EIF3B: variants seen among roughly 807,000 people sequenced by gnomAD.
The protein encoded by EIF3B is eukaryotic translation initiation factor 3 subunit 9.
EIF3B carries 10 observed loss-of-function variants against 104.6 expected under a neutral mutation model. The observed-to-expected ratio is 0.10, with a 90% CI of 0.06 to 0.16. EIF3B has a LOEUF of 0.16. Ranked by LOEUF, EIF3B falls within the 10% of genes least tolerant of loss-of-function variation. The pLI is 1.00. For synonymous variants in EIF3B, 542 were observed against 417.2 expected, an observed-to-expected ratio of 1.30 and a Z score of -3.65; for missense variants, 1,014 against 1,087.9, an observed-to-expected ratio of 0.93 and a Z score of 0.96.
At chr7:2,369,395 T>C in intron 9 of EIF3B, 77 bp from the exon 10 acceptor site, 1 of 1,455,260 alleles carries the variant, frequency 6.9e-7, no homozygotes, top group Non-Finnish European at 9.6e-7. Flanking sequence ...AGCAAATGAG[T>C]TGTTCTATTC....
intron 1 of EIF3B, among the ~76,000 whole-genome samples, chr7:2,358,809 G>A (rs554564979): frequency 1.1e-4 from 16 of 152,334 alleles, no homozygotes; most frequent in Admixed American, 3.9e-4. Flanking sequence ...GATTACAGGC[G>A]TGAGCCACTG....
chr7:2,379,588 G>A (rs141678639), intron 18 of EIF3B, 77 bp downstream of exon 18: 5 of 932,756 alleles, frequency 5.4e-6, no homozygotes, highest in African/African-American at 1.6e-5. Context: ...CACTGAGGAA[G>A]CACCTCCTTT....
chr7:2,372,525 C>T, intron 11 of EIF3B, 148 bp from the exon 12 acceptor site: 5 of 950,178 alleles, frequency 5.3e-6, no homozygotes, highest in East Asian at 5.1e-5. Flanking sequence ...TGCACCTTTC[C>T]TGCTGTTGCT....
intron 13 of EIF3B, 178 bp downstream of exon 13, chr7:2,374,784 C>T: frequency 1.8e-6 from 1 of 570,202 alleles, no homozygotes; most frequent in Non-Finnish European, 3.1e-6. Flanking sequence ...TACTCCAGGA[C>T]TCAGGCCAAG....
chr7:2,363,221 G>A (rs1779833841), intron 4 of EIF3B, 94 bp downstream of exon 4: 1 of 1,290,426 alleles, frequency 7.7e-7, no homozygotes, highest in South Asian at 1.2e-5. Context: ...GGGAGGCTGA[G>A]GTGGGAGGAT....
chr7:2,357,861 A>G (rs1038109995), intron 1 of EIF3B, among the ~76,000 whole-genome samples: 1 of 152,148 alleles, frequency 6.6e-6, no homozygotes, highest in Non-Finnish European at 1.5e-5. Flanking sequence ...CAATTTGTGT[A>G]AAAGTTGAGC....
At chr7:2,379,276 G>A (rs1460981873) in intron 17 of EIF3B, 34 bp downstream of exon 17, 1 of 1,589,692 alleles carries the variant, frequency 6.3e-7, no homozygotes, top group Non-Finnish European at 8.6e-7. Flanking sequence ...CCAGGAGCTG[G>A]CCCTTACGCT....
Position 2,360,829 on chromosome 7 carries a change from A to T in EIF3B, c.619A>T (p.Ile207Phe), listed in dbSNP as rs1361883951. Residue 207 changes from isoleucine to phenylalanine, a missense_variant, in exon 2 of 19, where the codon ATC becomes TTC. Physicochemically the swap from Ile to Phe is conservative, Grantham distance 21 (BLOSUM62 0). Coordinates refer to ENST00000360876, the MANE Select transcript of EIF3B (RefSeq NM_001037283.2). ...PDRLEKLKNV[I>F]HKIFSKFGKI... is the part of the protein sequence containing the mutation. ...CCGACTTGAGAAACTCAAAAATGTCATCCACAAGATCTTTTCCAAGTTTGG... is the reference window on the plus strand; with the variant it reads ...CCGACTTGAGAAACTCAAAAATGTCTTCCACAAGATCTTTTCCAAGTTTGG... 3 of 1,613,970 alleles carry T rather than the reference A, an allele frequency of 1.9e-6. No homozygotes were observed. The South Asian group carries it at 3.3e-5, about 18-fold the overall frequency.
At chr7:2,358,665 TACAG>T (rs1779582160) in intron 1 of EIF3B, among the ~76,000 whole-genome samples, 2 of 152,204 alleles carry the variant, frequency 1.3e-5, no homozygotes, top group South Asian at 4.1e-4. Flanking sequence ...TAGCTGGAAT[TACAG>T]GCACCCACCA....
In EIF3B at chr7:2,355,296, C is replaced by A. The variant is rs1041458791; in HGVS notation, c.375C>A (p.Ser125=). Residue 125 remains serine (S), a synonymous_variant, in exon 1 of 19, where the codon TCC becomes TCA. Coordinates refer to ENST00000360876, the MANE Select transcript of EIF3B (RefSeq NM_001037283.2). Reference sequence around the variant, plus strand: ...CCGACAGCCGGGCCCAGGCGGTGTCCGAGGACGCGGGAGGAAACGAGGGCA... The same window carrying A: ...CCGACAGCCGGGCCCAGGCGGTGTCAGAGGACGCGGGAGGAAACGAGGGCA... ...ERSDSRAQAV[S]EDAGGNEGRA... 5 of 1,538,456 alleles carry A rather than the reference C, an allele frequency of 3.3e-6. No individual in the cohort carries two copies. The African/African-American group carries it at 6.9e-5, about 21-fold the overall frequency.
At chr7:2,369,377 T>C (rs903731676) in intron 9 of EIF3B, 95 bp from the exon 10 acceptor site, 133 of 1,323,920 alleles carry the variant, frequency 1.0e-4, no homozygotes, top group Non-Finnish European at 1.1e-4. Context: ...AGCATTGAGC[T>C]TCTATATAGC....
At chr7:2,360,513 GGA>G (rs1340604123) in intron 1 of EIF3B, among the ~76,000 whole-genome samples, 195 bp from the exon 2 acceptor site, 4 of 152,236 alleles carry the variant, frequency 2.6e-5, no homozygotes, top group Admixed American at 6.5e-5. Context: ...TCCATCAAAG[GGA>G]GAGAGGAGAG....
chr7:2,361,397 A>G (rs1779718796), intron 2 of EIF3B, among the ~76,000 whole-genome samples: 1 of 152,180 alleles, frequency 6.6e-6, no homozygotes, highest in Non-Finnish European at 1.5e-5. Context: ...TCGTGTTATA[A>G]TGAAACATTC....
At chr7:2,358,430 C>T (rs1004163121) in intron 1 of EIF3B, among the ~76,000 whole-genome samples, 1 of 152,004 alleles carries the variant, frequency 6.6e-6, no homozygotes, top group African/African-American at 2.4e-5. Context: ...GAGTCTTGCT[C>T]TGTCGCTGGA....
At position 2,376,997 on chromosome 7, in the gene EIF3B, G is replaced by C; in HGVS notation, c.2076G>C (p.Gln692His). 6.2e-7 allele frequency: 1 copy of C among 1,613,954 alleles called. No homozygotes were observed. Among genetic ancestry groups the C allele is most frequent in the Non-Finnish European group, 8.5e-7 (1 of 1,180,028 alleles). ...WLWTFQGRLL[Q>H]KNNKDRFCQL... ...GGACTTTCCAGGGACGCCTCCTGCA[G>C]AAGAACAACAAGGACCGCTTCTGCC... Residue 692 changes from glutamine to histidine, a missense_variant, in exon 15 of 19, where the codon CAG (glutamine) becomes CAC (histidine). By Grantham distance (24) the Gln-to-His change is conservative (BLOSUM62 0). Coordinates refer to ENST00000360876, the MANE Select transcript of EIF3B (RefSeq NM_001037283.2).
At chr7:2,365,120 T>G (rs1176179504) in intron 6 of EIF3B, among the ~76,000 whole-genome samples, 1 of 152,208 alleles carries the variant, frequency 6.6e-6, no homozygotes, top group Non-Finnish European at 1.5e-5. Context: ...ATATGGCTAA[T>G]TTTATTTTTT....
chr7:2,374,688 C>A (rs1780541516), intron 13 of EIF3B, 82 bp downstream of exon 13: 1 of 1,300,576 alleles, frequency 7.7e-7, no homozygotes, highest in South Asian at 1.2e-5. Flanking sequence ...CTGCACCCGG[C>A]TTCTTGGTAG....
At chr7:2,367,110 A>G in intron 9 of EIF3B, 65 bp downstream of exon 9, 1 of 1,408,800 alleles carries the variant, frequency 7.1e-7, no homozygotes, top group Non-Finnish European at 9.8e-7. Flanking sequence ...ACCAAAAAAA[A>G]AAAAAAAAAC....
At chr7:2,377,126 G>A (rs41273063) in intron 15 of EIF3B, 51 bp downstream of exon 15, 399 of 1,549,088 alleles carry the variant, frequency 2.6e-4, no homozygotes, top group Non-Finnish European at 3.3e-4. Flanking sequence ...CAATTGTGGC[G>A]TTGAAAAGGT....
Sources: allele counts gnomAD v4.1 joint callset (sites outside exome capture counted in the v4.1 genomes callset), GRCh38; gene constraint gnomAD v4.1.1; transcripts MANE v1.5; gene names NCBI Gene and HGNC (gene_info 2026-07-23, HGNC 2026-07-21).